ASPDH: variants seen among roughly 807,000 people sequenced by gnomAD.
ASPDH encodes the protein aspartate dehydrogenase domain containing.
ASPDH carries 25 observed loss-of-function variants against 30.5 expected under a neutral mutation model. That is an observed-to-expected ratio of 0.82 (90% CI 0.60 to 1.14). The LOEUF is 1.14. Ranked by LOEUF, ASPDH falls within the 50% of genes most tolerant of loss-of-function variation. The probability of loss-of-function intolerance (pLI) is 0.00; values close to 1 mark genes in which losing one functional copy is unlikely to be tolerated. For missense variants in ASPDH, 401 were observed against 381.5 expected (o/e 1.05, Z -0.43); for synonymous variants, 168 against 156.3 (o/e 1.07, Z -0.56).
At position 50,513,264 on chromosome 19, in the gene ASPDH, T is replaced by A. The variant is rs1403844674; in HGVS notation, c.197+8A>T. 1.4e-6 allele frequency: 2 copies of A among 1,467,082 alleles called. No homozygotes were observed. Among genetic ancestry groups the A allele is most frequent in the Non-Finnish European group, 9.0e-7 (1 of 1,107,294 alleles). 90.9% of individuals were successfully genotyped at this position (1,467,082 alleles called of 1,614,324 possible). On this transcript the variant is annotated splice_region_variant and intron_variant, in intron 2 of 6. Coordinates refer to ENST00000389208, the MANE Select transcript of ASPDH (RefSeq NM_001114598.2). This position sits in a 1 kb window ranked among gnomAD's most constrained non-coding sequence, Gnocchi z 4.9. The stretch of plus-strand genomic sequence containing the variant: ...GGAGCTCCACTCTCCCATGGCAAGG[T>A]CACTGACCTTTCCCCAAGGGCAGCA...
chr19:50,511,756 AG>A lies in ASPDH; in HGVS notation c.825del (p.Ser276ProfsTer44). On this transcript the variant is annotated frameshift_variant, in exon 7 of 7. Coordinates refer to ENST00000389208, the MANE Select transcript of ASPDH (RefSeq NM_001114598.2). LOFTEE classifies it high-confidence loss of function. ...CAGCAGAGATGGATCCCCGGCCTGG[AG>A]GGGAGCTGGCAGCAGGCTGCGGGGA... The part of the protein sequence containing the change: ...WQSLLACCQL[P>X]SRPGIHLC 3.9e-6 allele frequency: 5 copies of A among 1,296,250 alleles called. No individual in the cohort carries two copies. Among genetic ancestry groups the A allele is most frequent in the Non-Finnish European group, 4.9e-6 (5 of 1,016,146 alleles). 80.3% of individuals were successfully genotyped at this position (1,296,250 alleles called of 1,614,324 possible). A position where few individuals can be genotyped will look rare whatever the true frequency, so the allele number is the denominator to read the frequency against.
Position 50,513,312 on chromosome 19 carries a change from G to A in ASPDH, c.157C>T (p.Pro53Ser). The change falls in exon 2 of 7, where the codon CCT becomes TCT. Residue 53 changes from proline to serine, a missense_variant. By Grantham distance (74) the Pro-to-Ser change is moderately conservative. Coordinates refer to ENST00000389208, the MANE Select transcript of ASPDH (RefSeq NM_001114598.2). The surrounding 1 kb of genome is among the most constrained non-coding windows in gnomAD (Gnocchi z 4.9). Reference sequence around the variant, plus strand: ...GCAAGGTTCTGGAGCTGCAGGGAAGGGGGCACGCTCCCTGCCATTCGTCCT... The same window carrying A: ...GCAAGGTTCTGGAGCTGCAGGGAAGAGGGCACGCTCCCTGCCATTCGTCCT... The part of the protein sequence containing the change: ...DPGRMAGSVP[P>S]SLQLQNLAAL... 1.3e-6 allele frequency: 2 copies of A among 1,526,922 alleles called. No homozygotes were observed. Among genetic ancestry groups the A allele is most frequent in the Non-Finnish European group, 1.8e-6 (2 of 1,136,146 alleles). 94.6% of individuals were successfully genotyped at this position (1,526,922 alleles called of 1,614,324 possible).
rs773392982 is a variant in ASPDH, at chr19:50,513,773, G to C, written c.51C>G (p.Leu17=). ...GGCCAAGGATGGTCAGGGACTCACC[G>C]AGGCGGCCATAGCCCACCACGCCCA... is the stretch of plus-strand genomic sequence containing the variant. ...WRVGVVGYGR[L]GQSLVSRLLA... Residue 17 remains leucine, a splice_region_variant and synonymous_variant, in exon 1 of 7, where the codon CTC becomes CTG. Transcript: ENST00000389208. This position sits in a 1 kb window ranked among gnomAD's most constrained non-coding sequence, Gnocchi z 4.9. The C allele has an allele frequency of 6.5e-7, 1 of 1,548,128 alleles. No homozygotes were observed. Among genetic ancestry groups the C allele is most frequent in the Non-Finnish European group, 8.7e-7 (1 of 1,144,056 alleles).
Position 50,512,118 on chromosome 19 carries a change from A to G in ASPDH, c.808+18T>C. 1.3e-6 allele frequency: 2 copies of G among 1,523,862 alleles called. No homozygotes were observed. Among genetic ancestry groups the G allele is most frequent in the Non-Finnish European group, 1.8e-6 (2 of 1,142,624 alleles). The allele number at this position is 1,523,862 out of a possible 1,614,324, so 94.4% of individuals were successfully genotyped here. A position where few individuals can be genotyped will look rare whatever the true frequency, so the allele number is the denominator to read the frequency against. ...GAACACAGGAGCCCAGGGCCGGGGG[A>G]GAGGGGCCTGGCCGCACCCAGGAGG... On this transcript the variant is annotated intron_variant, in intron 6 of 6. Coordinates refer to ENST00000389208, the MANE Select transcript of ASPDH (RefSeq NM_001114598.2).
At chr19:50,511,833 G>T in intron 6 of ASPDH, 60 bp from the exon 7 acceptor site, 1 of 1,243,666 alleles carries the variant, frequency 8.0e-7, no homozygotes, top group South Asian at 2.1e-5. Context: ...CAGACGCCTG[G>T]GGGAGGCAGT....
intron 6 of ASPDH, 74 bp from the exon 7 acceptor site, chr19:50,511,847 G>T: frequency 9.2e-7 from 1 of 1,084,578 alleles, no homozygotes; most frequent in South Asian, 2.2e-5. Flanking sequence ...AGGCAGTGGT[G>T]GGAGGAGGGG....
Position 50,513,230 on chromosome 19 carries a change from G to C in ASPDH, c.197+42C>G. The stretch of plus-strand genomic sequence containing the variant: ...ACAGTGGCTAAGAGAGCCAGGACAG[G>C]AGCTTCAGGGAGCTCCACTCTCCCA... On this transcript the variant is annotated intron_variant, in intron 2 of 6. Coordinates refer to ENST00000389208, the MANE Select transcript of ASPDH (RefSeq NM_001114598.2). The surrounding 1 kb of genome is among the most constrained non-coding windows in gnomAD (Gnocchi z 4.9). 1 of 1,438,340 alleles carries C rather than the reference G, an allele frequency of 7.0e-7. No homozygotes were observed. Among genetic ancestry groups the C allele is most frequent in the Non-Finnish European group, 9.2e-7 (1 of 1,089,614 alleles). The allele number at this position is 1,438,340 out of a possible 1,614,324, so 89.1% of individuals were successfully genotyped here. A position where few individuals can be genotyped will look rare whatever the true frequency, so the allele number is the denominator to read the frequency against.
chr19:50,514,026 C>G, upstream of ASPDH: 1 of 636,998 alleles, frequency 1.6e-6, no homozygotes, highest in African/African-American at 1.8e-5. Context: ...GTCCACTTTC[C>G]CGGGTCCAGC....
Position 50,513,115 on chromosome 19 carries a change from C to G in ASPDH, c.198-104G>C. 7.7e-7 allele frequency: 1 copy of G among 1,299,578 alleles called. No individual in the cohort carries two copies. Among genetic ancestry groups the G allele is most frequent in the Non-Finnish European group, 1.1e-6 (1 of 940,318 alleles). 80.5% of individuals were successfully genotyped at this position (1,299,578 alleles called of 1,614,324 possible). A position where few individuals can be genotyped will look rare whatever the true frequency, so the allele number is the denominator to read the frequency against. On this transcript the variant is annotated intron_variant, in intron 2 of 6. Transcript: ENST00000389208. The surrounding 1 kb of genome is among the most constrained non-coding windows in gnomAD (Gnocchi z 4.9). The stretch of plus-strand genomic sequence containing the variant: ...GAGGGCTGCCCTTCTTCTCCCTGAC[C>G]TGGGAGGCGAAATGAGATGAATGGG...
chr19:50,513,899 G>A lies in ASPDH; in HGVS notation c.-76C>T, dbSNP rs1347032113. The A allele has an allele frequency of 4.0e-6, 6 of 1,502,042 alleles. No individual in the cohort carries two copies. The East Asian group carries it at 9.9e-5, about 25-fold the overall frequency. 93.0% of individuals were successfully genotyped at this position (1,502,042 alleles called of 1,614,324 possible). The stretch of plus-strand genomic sequence containing the variant: ...GCTGCACAAGGCCTGGGCAGCCGCT[G>A]CTCTTTGGACATCTGACCCTTGAGC... On this transcript the variant is annotated 5_prime_UTR_variant, in exon 1 of 7. The change creates a premature stop within an existing upstream ORF in the 5' untranslated region. Coordinates refer to ENST00000389208, the MANE Select transcript of ASPDH (RefSeq NM_001114598.2). The surrounding 1 kb of genome is among the most constrained non-coding windows in gnomAD (Gnocchi z 4.9).
chr19:50,512,007 A>T (rs1294085177), intron 6 of ASPDH, 129 bp downstream of exon 6: 1 of 863,076 alleles, frequency 1.2e-6, no homozygotes, highest in Non-Finnish European at 1.7e-6. Context: ...AGGTTAAGGA[A>T]ATAAAGGTCA....
Position 50,513,852 on chromosome 19 carries a change from C to G in ASPDH, c.-29G>C. ...CCTGAGTGCGGTGTCTGGGGCCTGGCTCCCTGGGCTGCTCGCTGCCCGCTG... is the reference window on the plus strand; with the variant it reads ...CCTGAGTGCGGTGTCTGGGGCCTGGGTCCCTGGGCTGCTCGCTGCCCGCTG... On this transcript the variant is annotated 5_prime_UTR_variant, in exon 1 of 7. Coordinates refer to ENST00000389208, the MANE Select transcript of ASPDH (RefSeq NM_001114598.2). The surrounding 1 kb of genome is among the most constrained non-coding windows in gnomAD (Gnocchi z 4.9). 1 of 1,545,932 alleles carries G rather than the reference C, an allele frequency of 6.5e-7. No individual in the cohort carries two copies. The highest frequency in any genetic ancestry group is 2.4e-5 in the East Asian group (1 of 40,856).
upstream of ASPDH, chr19:50,514,413 T>TCCCCTTCCCACAGCCTCCG (rs1331036069): frequency 3.2e-5 from 51 of 1,606,742 alleles, no homozygotes; most frequent in Non-Finnish European, 4.2e-5. Flanking sequence ...GCAGCACGGG[T>TCCCCTTCCCACAGCCTCCG]CCCCTTCCCA....
At chr19:50,514,536 C>T (rs1034463497), upstream of ASPDH, 13 of 1,613,944 alleles carry the variant, frequency 8.1e-6, no homozygotes, top group African/African-American at 8.0e-5. Flanking sequence ...TCCAGTGTGA[C>T]GTTCTCGCTC....
chr19:50,511,785 G>A lies in ASPDH; in HGVS notation c.809-12C>T. 1 of 1,316,036 alleles carries A rather than the reference G, an allele frequency of 7.6e-7. No homozygotes were observed. The highest frequency in any genetic ancestry group is 9.7e-7 in the Non-Finnish European group (1 of 1,027,376). The allele number at this position is 1,316,036 out of a possible 1,614,324, so 81.5% of individuals were successfully genotyped here. A position where few individuals can be genotyped will look rare whatever the true frequency, so the allele number is the denominator to read the frequency against. The stretch of plus-strand genomic sequence containing the variant: ...GAGCTGGCAGCAGGCTGCGGGGAGA[G>A]GGGAATGAGCGAATGAGACAGAGGA... On this transcript the variant is annotated splice_polypyrimidine_tract_variant and intron_variant, in intron 6 of 6. Transcript: ENST00000389208.
rs1980110495 is a variant in ASPDH at position 50,513,871 on chromosome 19, C to T, written c.-48G>A. On this transcript the variant is annotated 5_prime_UTR_variant, in exon 1 of 7. Transcript: ENST00000389208. The surrounding 1 kb of genome is among the most constrained non-coding windows in gnomAD (Gnocchi z 4.9). ...GCCTGGCTCCCTGGGCTGCTCGCTGCCCGCTGCACAAGGCCTGGGCAGCCG... is the reference window on the plus strand; with the variant it reads ...GCCTGGCTCCCTGGGCTGCTCGCTGTCCGCTGCACAAGGCCTGGGCAGCCG... The T allele has an allele frequency of 1.3e-6, 2 of 1,538,414 alleles. No individual in the cohort carries two copies. The highest frequency in any genetic ancestry group is 2.8e-5 in the African/African-American group (2 of 72,544).
At chr19:50,514,276 C>T (rs1164184474), upstream of ASPDH, among the ~76,000 whole-genome samples, 1 of 152,152 alleles carries the variant, frequency 6.6e-6, no homozygotes, top group African/African-American at 2.4e-5. Context: ...CCTCAGGCGG[C>T]TAAGGTCTGA....
At chr19:50,513,947 TC>T, upstream of ASPDH, 1 of 1,261,464 alleles carries the variant, frequency 7.9e-7, no homozygotes, top group South Asian at 1.6e-5. This position sits in a 1 kb window ranked among gnomAD's most constrained non-coding sequence, Gnocchi z 4.9. Flanking sequence ...TCTTCCCCCT[TC>T]CCCGCAGGCC....
upstream of ASPDH, chr19:50,514,805 T>TG (rs199913301): frequency 0.011 from 3,518 of 308,942 alleles, 49 homozygotes; most frequent in African/African-American, 0.11. Context: ...GAGCATGGGG[T>TG]GGGGGGGGCG....
Sources: gnomAD v4.1 joint callset for allele counts (sites outside exome capture counted in the v4.1 genomes callset) on GRCh38, gnomAD v4.1.1 for gene constraint, Gnocchi (gnomAD v3.1) non-coding constraint, MANE v1.5 for transcripts, NCBI Gene and HGNC (gene_info 2026-07-23, HGNC 2026-07-21) for gene names.